The following TRIM49 variants were observed in gnomAD, a reference collection of about 807,000 sequenced individuals.
TRIM49 encodes tripartite motif-containing protein 49.
Under a neutral mutation model 27.4 loss-of-function variants are expected in TRIM49, and 5 were observed. The ratio of observed to expected loss-of-function variants is 0.18; its 90% confidence interval spans 0.10 to 0.38. The LOEUF (loss-of-function observed/expected upper bound fraction) is 0.38, where lower values mean the gene tolerates loss of function less well. Ranked by LOEUF, TRIM49 falls within the 10% of genes least tolerant of loss-of-function variation. The probability of loss-of-function intolerance (pLI) is 1.00; values close to 1 mark genes in which losing one functional copy is unlikely to be tolerated. For missense variants in TRIM49, 188 were observed against 487.5 expected (o/e 0.39, Z 5.79); for synonymous variants, 69 against 166.0 (o/e 0.42, Z 4.49).
chr11:89,796,087 A>G (rs1266659209), downstream of TRIM49, among the ~76,000 whole-genome samples: 2 of 151,820 alleles, frequency 1.3e-5, no homozygotes, highest in East Asian at 3.9e-4. Flanking sequence ...TAATAAAAAT[A>G]CTTTAAACTT....
At chr11:89,806,476 G>T (rs1415295867) in intron 2 of TRIM49, among the ~76,000 whole-genome samples, 1 of 148,724 alleles carries the variant, frequency 6.7e-6, no homozygotes, top group Non-Finnish European at 1.5e-5. Context: ...TCTTAGAATT[G>T]CAAATATTTT....
At chr11:89,790,268 C>G in the TRIM49 span, among the ~76,000 whole-genome samples, 13 of 139,084 alleles carry the variant, frequency 9.3e-5, no homozygotes, top group East Asian at 2.4e-3. Context: ...GAAGCTTAAA[C>G]TGGGTGGAGC....
At position 89,798,333 on chromosome 11, in the gene TRIM49, C is replaced by A; in HGVS notation, c.1156G>T (p.Asp386Tyr). ...GLFLLGCVKN[D>Y]IQCSLFTTSP... ...GTGGTAAAGAGACTGCATTGAATGT[C>A]ATTCTTAACACACCCAAGAAGAAAG... Residue 386 changes from aspartate to tyrosine, a missense_variant, in exon 8 of 8, where the codon GAC becomes TAC. By Grantham distance (160) the Asp-to-Tyr change is radical. Coordinates refer to ENST00000329758, the MANE Select transcript of TRIM49 (RefSeq NM_020358.2). 1.9e-6 allele frequency: 3 copies of A among 1,573,336 alleles called. No homozygotes were observed. The highest frequency in any genetic ancestry group is 3.0e-5 in the African/African-American group (2 of 67,006).
chr11:89,803,972 G>A (rs1464586988), intron 3 of TRIM49, 87 bp downstream of exon 3: 4 of 1,611,362 alleles, frequency 2.5e-6, no homozygotes, highest in Admixed American at 1.7e-5. Flanking sequence ...GGGACTCAGA[G>A]TTGGCTTTAT....
chr11:89,772,986 T>C, the TRIM49 span, among the ~76,000 whole-genome samples: 1 of 134,946 alleles, frequency 7.4e-6, no homozygotes, highest in Non-Finnish European at 1.5e-5. Context: ...AGGTCAGGAG[T>C]TCGAGTCCAG....
chr11:89,800,752 AC>A (rs1280295709), intron 6 of TRIM49, among the ~76,000 whole-genome samples: 6 of 150,374 alleles, frequency 4.0e-5, no homozygotes, highest in African/African-American at 1.2e-4. Context: ...CAAAAAAAAA[AC>A]AAAAGCAGGA....
downstream of TRIM49, among the ~76,000 whole-genome samples, chr11:89,792,903 A>C (rs1462008712): frequency 6.6e-6 from 1 of 152,166 alleles, no homozygotes; most frequent in Non-Finnish European, 1.5e-5. Context: ...TCAGAGCAGA[A>C]CTGAAGGAGA....
the TRIM49 span, among the ~76,000 whole-genome samples, chr11:89,769,495 C>T: frequency 7.3e-6 from 1 of 136,192 alleles, no homozygotes; most frequent in Non-Finnish European, 1.5e-5. Context: ...GAAACCCATG[C>T]TACAGATTCT....
the TRIM49 span, chr11:89,777,059 C>T: frequency 6.5e-7 from 1 of 1,549,734 alleles, no homozygotes; most frequent in African/African-American, 1.4e-5. Flanking sequence ...AGACCGGTCA[C>T]CATTGACTGT....
downstream of TRIM49, among the ~76,000 whole-genome samples, chr11:89,795,724 T>C (rs1418824185): frequency 4.0e-3 from 462 of 116,274 alleles, 1 homozygote; most frequent in African/African-American, 0.014. Context: ...ACATCACACA[T>C]AGGGGCCTGT....
chr11:89,803,820 C>A, intron 3 of TRIM49, 27 bp from the exon 4 acceptor site: 1 of 1,055,850 alleles, frequency 9.5e-7, no homozygotes, highest in East Asian at 2.6e-5. Context: ...AATTGAAGCA[C>A]CAGTGCAGAC....
the TRIM49 span, among the ~76,000 whole-genome samples, chr11:89,791,546 C>T: frequency 2.1e-3 from 323 of 150,848 alleles, 1 homozygote; most frequent in African/African-American, 7.5e-3. Flanking sequence ...GCAGAGCTCT[C>T]GGCAGAAACT....
the TRIM49 span, among the ~76,000 whole-genome samples, chr11:89,791,333 A>G: frequency 2.0e-5 from 3 of 152,222 alleles, no homozygotes; most frequent in Non-Finnish European, 4.4e-5. Flanking sequence ...GATATTATCC[A>G]GGAGAACTTC....
chr11:89,776,756 G>A, the TRIM49 span, among the ~76,000 whole-genome samples: 2 of 151,910 alleles, frequency 1.3e-5, no homozygotes, highest in Non-Finnish European at 2.9e-5. Flanking sequence ...GTATGTCAGG[G>A]AGTCCTGAAC....
the TRIM49 span, chr11:89,785,914 C>A: frequency 1.4e-5 from 2 of 142,400 alleles, no homozygotes; most frequent in Admixed American, 1.4e-4. Flanking sequence ...CTTTCCCGGA[C>A]GGTGCCGCGA....
intron 4 of TRIM49, 141 bp downstream of exon 4, chr11:89,803,557 C>G (rs1197834449): frequency 6.6e-7 from 1 of 1,510,092 alleles, no homozygotes; most frequent in Non-Finnish European, 8.9e-7. Flanking sequence ...AATGAGGCCA[C>G]TTTTTCTCAG....
chr11:89,790,358 G>C, the TRIM49 span, among the ~76,000 whole-genome samples: 1 of 146,298 alleles, frequency 6.8e-6, no homozygotes, highest in African/African-American at 2.6e-5. Flanking sequence ...AAAGGCAGCA[G>C]AAACCGCTGC....
intron 6 of TRIM49, among the ~76,000 whole-genome samples, chr11:89,800,682 T>G (rs78324787): frequency 0.3 from 41,713 of 139,778 alleles, 5,719 homozygotes; most frequent in Middle Eastern, 0.4. Context: ...GGCGGAGCTT[T>G]CAGTGAGCCG....
At chr11:89,776,739 G>C in the TRIM49 span, among the ~76,000 whole-genome samples, 3 of 152,024 alleles carry the variant, frequency 2.0e-5, no homozygotes, top group Admixed American at 6.5e-5. Flanking sequence ...AACATCTTAG[G>C]ATCTTGGTAT....
Sources: gnomAD v4.1 joint callset for allele counts (sites outside exome capture counted in the v4.1 genomes callset) on GRCh38, gnomAD v4.1.1 for gene constraint, MANE v1.5 for transcripts, NCBI Gene and HGNC (gene_info 2026-07-23, HGNC 2026-07-21) for gene names.